Variants in CLN8 observed in about 807,000 individuals in gnomAD.
The protein encoded by CLN8 is CLN8 transmembrane ER and ERGIC protein, also known as protein CLN8.
CLN8 carries 14 observed loss-of-function variants against 15.7 expected under a neutral mutation model. The observed-to-expected ratio is 0.89, with a 90% confidence interval of 0.59 to 1.39. CLN8 has a LOEUF of 1.39. CLN8 is among the 40% of genes most tolerant of loss of function. The pLI, the probability that CLN8 is intolerant of heterozygous loss-of-function variation, is 0.00. For synonymous variants in CLN8, 188 were observed against 151.0 expected, an observed-to-expected ratio of 1.25 and a Z score of -1.80; for missense variants, 415 against 364.0, an observed-to-expected ratio of 1.14 and a Z score of -1.14.
At chr8:1,753,569 C>CCAA (rs1563094733), upstream of CLN8, among the ~76,000 whole-genome samples, 2 of 102,622 alleles carry the variant, frequency 1.9e-5, no homozygotes, top group South Asian at 7.0e-4. Flanking sequence ...GAAACTGTTT[C>CCAA]AAAAAAAAAA....
rs371830719 is a variant in CLN8 at position 1,780,412 on chromosome 8, G to C, written c.706G>C (p.Val236Leu). 2 of 1,614,074 alleles carry C rather than the reference G, an allele frequency of 1.2e-6. No individual in the cohort carries two copies. Among genetic ancestry groups the C allele is most frequent in the African/African-American group, 2.7e-5 (2 of 74,918 alleles). ...TCTGCCTCATTTGACACTGTTCCTT[G>C]TCGGACTGGCTCTGCTTACGCTAAT... ...LYLPHLTLFLVGLALLTLIIN... is the reference protein window; with the variant it reads ...LYLPHLTLFLLGLALLTLIIN... The change falls in exon 3 of 3, where the codon GTC (valine) becomes CTC (leucine). Residue 236 changes from valine to leucine, a missense_variant. Transcript: ENST00000331222.
In CLN8 at chr8:1,780,562, C is replaced by T. The variant is rs759475160; in HGVS notation, c.856C>T (p.Pro286Ser). ...CGGGCAGCTGCTGCGGAAGAAGAGGCCATAGCTGCTCCAGCCGGGGCTCCG... is the reference window on the plus strand; with the variant it reads ...CGGGCAGCTGCTGCGGAAGAAGAGGTCATAGCTGCTCCAGCCGGGGCTCCG... ...GNGQLLRKKR[P>S] is the part of the protein sequence containing the mutation. The change falls in exon 3 of 3, where the codon CCA becomes TCA. Residue 286 changes from proline (P) to serine (S), a missense_variant. Coordinates refer to ENST00000331222, the MANE Select transcript of CLN8 (RefSeq NM_018941.4). The T allele has an allele frequency of 1.3e-5, 21 of 1,613,132 alleles. No individual in the cohort carries two copies. The African/African-American group carries it at 1.7e-4, about 13-fold the overall frequency.
chr8:1,773,943 G>A (rs991261087), intron 2 of CLN8: 1 of 152,228 alleles, frequency 6.6e-6, no homozygotes, highest in African/African-American at 2.4e-5. Context: ...ACAAGATGGT[G>A]TGCTTGAGGT....
rs558342555 is a variant in CLN8, at chr8:1,785,779, A to G, written c.*5212A>G. ...ACAGGCGGCGTGGGGTTAGACAGGTACTGGTCAGATGCACGGGCTCCCTAA... is the reference window on the plus strand; with the variant it reads ...ACAGGCGGCGTGGGGTTAGACAGGTGCTGGTCAGATGCACGGGCTCCCTAA... On this transcript the variant is annotated 3_prime_UTR_variant, in exon 3 of 3. Coordinates refer to ENST00000331222, the MANE Select transcript of CLN8 (RefSeq NM_018941.4). 1.7e-3 allele frequency: 295 copies of G among 177,632 alleles called. 2 individuals are homozygous for G. Among genetic ancestry groups the G allele is most frequent in the African/African-American group, 6.9e-3 (288 of 42,040 alleles). The allele number at this position is 177,632 out of a possible 1,614,324, so 11.0% of individuals were successfully genotyped here.
At chr8:1,758,910 T>G (rs1800730094), upstream of CLN8, 1 of 152,124 alleles carries the variant, frequency 6.6e-6, no homozygotes, top group Admixed American at 6.5e-5. Context: ...GGAAAAGACC[T>G]GGAAAGGGAA....
intron 1 of CLN8, chr8:1,758,363 A>T (rs1800719756): frequency 6.6e-6 from 1 of 152,316 alleles, no homozygotes; most frequent in South Asian, 2.1e-4. Flanking sequence ...GATGAGATTT[A>T]TTCTGAGCCA....
chr8:1,768,631 C>T (rs1205949451), intron 1 of CLN8, among the ~76,000 whole-genome samples: 1 of 152,180 alleles, frequency 6.6e-6, no homozygotes, highest in Non-Finnish European at 1.5e-5. Context: ...TTCACGTTAA[C>T]CCTTGTAATG....
chr8:1,761,568 G>A (rs917095336), upstream of CLN8, among the ~76,000 whole-genome samples: 1 of 152,180 alleles, frequency 6.6e-6, no homozygotes, highest in African/African-American at 2.4e-5. Flanking sequence ...CAAGTGATCC[G>A]CCTGCCTCGG....
At chr8:1,773,079 A>T in intron 2 of CLN8, 1 of 396,658 alleles carries the variant, frequency 2.5e-6, no homozygotes, top group Non-Finnish European at 4.4e-6. Flanking sequence ...GCCGGGTGTC[A>T]GATACTGTGC....
At chr8:1,773,110 A>G in intron 2 of CLN8, 1 of 393,908 alleles carries the variant, frequency 2.5e-6, no homozygotes, top group Non-Finnish European at 4.5e-6. Flanking sequence ...GAACTCAAGG[A>G]GGAACTTGTG....
chr8:1,777,548 A>G (rs1019180669), intron 2 of CLN8, among the ~76,000 whole-genome samples: 3 of 152,234 alleles, frequency 2.0e-5, no homozygotes, highest in African/African-American at 7.2e-5. Context: ...AGCTTAAAAC[A>G]CAAATACATT....
intron 1 of CLN8, among the ~76,000 whole-genome samples, chr8:1,766,662 A>AT (rs1801073683): frequency 3.3e-5 from 5 of 151,658 alleles, no homozygotes; most frequent in Admixed American, 2.0e-4. Flanking sequence ...AAGTGCTGGG[A>AT]TTACAGGTGT....
At position 1,776,733 on chromosome 8, in the gene CLN8, G is replaced by A. The variant is rs962556246; in HGVS notation, c.544-3517G>A. Among the ~76,000 whole-genome samples the A allele has an allele frequency of 5.9e-5, 9 of 152,278 alleles. No individual in the cohort carries two copies. The Middle Eastern group carries it at 0.01, about 173-fold the overall frequency. On this transcript the variant is annotated intron_variant, in intron 2 of 2. Coordinates refer to ENST00000331222, the MANE Select transcript of CLN8 (RefSeq NM_018941.4). ...CGTGTGAGACTTCTGGTGTCCTTGC[G>A]GCTCCATGCATAGGTCTGTGCCTGA...
chr8:1,772,636 G>A (rs1014894724), intron 2 of CLN8, among the ~76,000 whole-genome samples: 1 of 151,626 alleles, frequency 6.6e-6, no homozygotes, highest in East Asian at 1.9e-4. Flanking sequence ...TTGTGTGTGT[G>A]TGTGTGTGTG....
intron 2 of CLN8, among the ~76,000 whole-genome samples, chr8:1,779,272 C>G (rs1248557156): frequency 6.6e-6 from 1 of 152,156 alleles, no homozygotes; most frequent in African/African-American, 2.4e-5. Flanking sequence ...TTGAGACAGT[C>G]TTGCTCTTTC....
In CLN8 at chr8:1,771,513, C is replaced by G. The variant is rs1031756072; in HGVS notation, c.459C>G (p.Leu153=). 1.2e-6 allele frequency: 2 copies of G among 1,614,162 alleles called. No homozygotes were observed. The highest frequency in any genetic ancestry group is 8.5e-7 in the Non-Finnish European group (1 of 1,180,030). The change falls in exon 2 of 3, where the codon CTC becomes CTG. Residue 153 remains leucine, a synonymous_variant. Transcript: ENST00000331222. The stretch of plus-strand genomic sequence containing the variant: ...GGTTTCTTGGCTGCTTGGTCAATCT[C>G]CAAGCTGGCCACTATCTAGCTATGA... The part of the protein sequence containing the change: ...FLGFLGCLVN[L]QAGHYLAMTT...
At chr8:1,773,064 C>T (rs555896362) in intron 2 of CLN8, 1 of 397,546 alleles carries the variant, frequency 2.5e-6, no homozygotes, top group Non-Finnish European at 4.4e-6. Flanking sequence ...CCACCATGGA[C>T]ACCAGCCGGG....
At chr8:1,778,972 C>G (rs1801617092) in intron 2 of CLN8, among the ~76,000 whole-genome samples, 1 of 152,184 alleles carries the variant, frequency 6.6e-6, no homozygotes, top group Non-Finnish European at 1.5e-5. Context: ...AGACTTGGAT[C>G]AGCCTACGTT....
rs34814682 is a variant in CLN8, at chr8:1,780,483, T to C, written c.777T>C (p.Asn259=). The part of the protein sequence containing the change: ...WTHKKTQQLL[N]PVDWNFAQPE... Reference sequence around the variant, plus strand: ...ATAAGAAGACTCAGCAGCTTCTCAATCCGGTGGACTGGAACTTCGCACAGC... The same window carrying C: ...ATAAGAAGACTCAGCAGCTTCTCAACCCGGTGGACTGGAACTTCGCACAGC... Residue 259 remains asparagine, a synonymous_variant, in exon 3 of 3, where the codon AAT becomes AAC. Coordinates refer to ENST00000331222, the MANE Select transcript of CLN8 (RefSeq NM_018941.4). The C allele has an allele frequency of 5.4e-4, 874 of 1,614,164 alleles. 5 individuals carry two copies. In the African/African-American group the frequency reaches 0.01, roughly 19 times the overall value.
Sources: allele counts gnomAD v4.1 joint callset (sites outside exome capture counted in the v4.1 genomes callset), GRCh38; gene constraint gnomAD v4.1.1; transcripts MANE v1.5; gene names NCBI Gene and HGNC (gene_info 2026-07-23, HGNC 2026-07-21).